L3MBTL3: variants seen among roughly 807,000 people sequenced by gnomAD.
L3MBTL3 encodes the protein lethal(3)malignant brain tumor-like protein 3.
A neutral mutation model predicts 102.3 loss-of-function variants in L3MBTL3; 27 were observed. The ratio of observed to expected loss-of-function variants is 0.26; its 90% confidence interval spans 0.19 to 0.36. L3MBTL3 has a LOEUF of 0.36. Among genes scored for constraint, L3MBTL3 ranks in the 10% least tolerant of loss-of-function variants. The pLI is 1.00. For synonymous variants in L3MBTL3, 340 were observed against 320.9 expected, an observed-to-expected ratio of 1.06 and a Z score of -0.64; for missense variants, 798 against 955.3, an observed-to-expected ratio of 0.84 and a Z score of 2.17.
intron 13 of L3MBTL3, among the ~76,000 whole-genome samples, chr6:130,072,138 A>C (rs1782676718): frequency 6.6e-6 from 1 of 152,076 alleles, no homozygotes; most frequent in Non-Finnish European, 1.5e-5. Context: ...AAAAATATGA[A>C]AAAAAGAAAA....
chr6:130,068,213 T>C, intron 11 of L3MBTL3, 117 bp from the exon 12 acceptor site: 1 of 585,508 alleles, frequency 1.7e-6, no homozygotes, highest in Non-Finnish European at 3.1e-6. Context: ...TTAAATTTTG[T>C]TTATTTAAAA....
chr6:130,080,039 G>C (rs1490077907), intron 14 of L3MBTL3, among the ~76,000 whole-genome samples: 2 of 152,128 alleles, frequency 1.3e-5, no homozygotes, highest in Non-Finnish European at 2.9e-5. Context: ...AGGATCACTT[G>C]AGCCCAGGAG....
intron 1 of L3MBTL3, among the ~76,000 whole-genome samples, chr6:130,019,114 C>A (rs866470350): frequency 2.6e-4 from 40 of 152,074 alleles, no homozygotes; most frequent in South Asian, 6.2e-4. Context: ...TGGGCTCAGG[C>A]TGGCGCGCAG....
At chr6:130,077,107 A>G (rs1783002520) in intron 13 of L3MBTL3, among the ~76,000 whole-genome samples, 1 of 151,984 alleles carries the variant, frequency 6.6e-6, no homozygotes, top group Admixed American at 6.5e-5. Flanking sequence ...TGAGAAGGAA[A>G]AAATTAAATA....
At chr6:130,093,356 C>T (rs1265219479) in intron 17 of L3MBTL3, among the ~76,000 whole-genome samples, 6 of 152,060 alleles carry the variant, frequency 3.9e-5, no homozygotes, top group South Asian at 2.1e-4. Context: ...CTTAACATAC[C>T]ACGGCCTTAA....
chr6:130,122,732 T>C (rs1225322957), intron 20 of L3MBTL3, among the ~76,000 whole-genome samples: 1 of 152,194 alleles, frequency 6.6e-6, no homozygotes, highest in Non-Finnish European at 1.5e-5. Context: ...TGAATGGTGG[T>C]TTATAAGAGG....
At chr6:130,121,985 G>A (rs1786249244) in intron 20 of L3MBTL3, among the ~76,000 whole-genome samples, 1 of 152,204 alleles carries the variant, frequency 6.6e-6, no homozygotes, top group Non-Finnish European at 1.5e-5. Flanking sequence ...GGCAGAGGTT[G>A]CAGTGAACCA....
At chr6:130,028,600 G>C (rs1015287383) in intron 2 of L3MBTL3, among the ~76,000 whole-genome samples, 1 of 152,170 alleles carries the variant, frequency 6.6e-6, no homozygotes, top group Non-Finnish European at 1.5e-5. Flanking sequence ...CTCCACAACA[G>C]ACCTTAATTC....
chr6:130,048,606 A>G (rs531103659), intron 3 of L3MBTL3, among the ~76,000 whole-genome samples: 275 of 152,356 alleles, frequency 1.8e-3, no homozygotes, highest in Non-Finnish European at 3.2e-3. Context: ...ATCAGCATGT[A>G]GCTAGTAGAC....
At chr6:130,097,820 C>A (rs994268331) in intron 18 of L3MBTL3, among the ~76,000 whole-genome samples, 1 of 152,110 alleles carries the variant, frequency 6.6e-6, no homozygotes, top group African/African-American at 2.4e-5. Flanking sequence ...GTGATTCCAG[C>A]ACTTTGGGAG....
intron 2 of L3MBTL3, among the ~76,000 whole-genome samples, chr6:130,029,625 A>G (rs144543199): frequency 8.0e-4 from 121 of 152,152 alleles, no homozygotes; most frequent in African/African-American, 2.6e-3. Flanking sequence ...GAGTCATACC[A>G]TTGTTCTTGA....
At chr6:130,027,892 A>G (rs1450689667) in intron 2 of L3MBTL3, among the ~76,000 whole-genome samples, 1 of 152,008 alleles carries the variant, frequency 6.6e-6, no homozygotes, top group South Asian at 2.1e-4. Context: ...TAAAATTTCT[A>G]TTATTACCCT....
At chr6:130,040,238 A>G (rs997426111) in intron 2 of L3MBTL3, among the ~76,000 whole-genome samples, 33 of 151,612 alleles carry the variant, frequency 2.2e-4, no homozygotes, top group Admixed American at 2.1e-3. Flanking sequence ...CTGAGGCAGG[A>G]GAATTGCTTG....
chr6:130,116,215 C>T (rs1785667111), intron 19 of L3MBTL3, among the ~76,000 whole-genome samples: 1 of 152,188 alleles, frequency 6.6e-6, no homozygotes, highest in Admixed American at 6.5e-5. Flanking sequence ...GCATCATGCT[C>T]CTACTTAAGT....
At chr6:130,045,370 T>C (rs1415909409) in intron 3 of L3MBTL3, among the ~76,000 whole-genome samples, 1 of 152,196 alleles carries the variant, frequency 6.6e-6, no homozygotes, top group Non-Finnish European at 1.5e-5. Flanking sequence ...CATGCTTATA[T>C]AAACAGAGCA....
At chr6:130,059,999 G>A (rs574302733) in intron 9 of L3MBTL3, 37 bp from the exon 10 acceptor site, 3 of 1,156,772 alleles carry the variant, frequency 2.6e-6, no homozygotes, top group Admixed American at 1.7e-5. Flanking sequence ...AGGGCTTTGG[G>A]ATAAGGGACT....
Position 130,040,569 on chromosome 6 carries a change from C to T in L3MBTL3, c.-15-2116C>T, listed in dbSNP as rs571284482. Among the ~76,000 whole-genome samples, 111 of 152,258 alleles carry T rather than the reference C, an allele frequency of 7.3e-4. 1 individual carries two copies. The highest frequency in any genetic ancestry group is 2.5e-3 in the African/African-American group (102 of 41,544). On this transcript the variant is annotated intron_variant, in intron 2 of 22. Coordinates refer to ENST00000361794, the MANE Select transcript of L3MBTL3 (RefSeq NM_032438.4). The stretch of plus-strand genomic sequence containing the variant: ...TTAGCCATCTGGAAGCTGGCAAGCC[C>T]ATGGTGATGCTTGTAAGTGTTACAA...
intron 2 of L3MBTL3, among the ~76,000 whole-genome samples, chr6:130,033,797 A>G (rs937794925): frequency 2.6e-5 from 4 of 152,272 alleles, no homozygotes; most frequent in Non-Finnish European, 4.4e-5. Flanking sequence ...AGCTCTTAAG[A>G]AAAAGCAACT....
intron 6 of L3MBTL3, 118 bp downstream of exon 6, chr6:130,051,526 A>G (rs1254234818): frequency 6.4e-6 from 6 of 934,980 alleles, no homozygotes; most frequent in Admixed American, 2.3e-5. Context: ...CCTTTTTCCC[A>G]GAGACTTTTC....
Sources: gnomAD v4.1 joint callset for allele counts (sites outside exome capture counted in the v4.1 genomes callset) on GRCh38, gnomAD v4.1.1 for gene constraint, MANE v1.5 for transcripts, NCBI Gene and HGNC (gene_info 2026-07-23, HGNC 2026-07-21) for gene names.